RORA: variants seen among roughly 807,000 people sequenced by gnomAD.
RORA encodes RAR related orphan receptor A.
RORA carries 7 observed loss-of-function variants against 69.5 expected under a neutral mutation model. The ratio of observed to expected loss-of-function variants is 0.10; its 90% CI spans 0.06 to 0.19. The LOEUF (loss-of-function observed/expected upper bound fraction) is 0.19, where lower values mean the gene tolerates loss of function less well. Ranked by LOEUF, RORA falls within the 10% of genes least tolerant of loss-of-function variation. The pLI, the probability that RORA is intolerant of heterozygous loss-of-function variation, is 1.00. For missense variants in RORA, 457 were observed against 663.0 expected (o/e 0.69, Z 3.41); for synonymous variants, 261 against 240.8 (o/e 1.08, Z -0.78).
intron 1 of RORA, among the ~76,000 whole-genome samples, chr15:61,071,017 C>T (rs2078334817): frequency 6.6e-6 from 1 of 151,560 alleles, no homozygotes; most frequent in Non-Finnish European, 1.5e-5. Context: ...ATCTAACGGA[C>T]TCCTCTGCTG....
intron 1 of RORA, among the ~76,000 whole-genome samples, chr15:60,967,906 C>A (rs894492529): frequency 2.0e-5 from 3 of 152,192 alleles, no homozygotes; most frequent in African/African-American, 7.2e-5. Context: ...TGCTTGCCAT[C>A]TCCCCTGCCT....
intron 1 of RORA, among the ~76,000 whole-genome samples, chr15:61,081,359 C>T (rs975025136): frequency 1.3e-5 from 2 of 152,148 alleles, no homozygotes; most frequent in Non-Finnish European, 2.9e-5. Flanking sequence ...GAACTAGATA[C>T]AGCTTATAAA....
chr15:60,965,406 A>G (rs1893527476), intron 1 of RORA, among the ~76,000 whole-genome samples: 1 of 152,152 alleles, frequency 6.6e-6, no homozygotes, highest in Non-Finnish European at 1.5e-5. Context: ...CCCAGTAGTC[A>G]GGGCCCAAAT....
chr15:60,747,467 C>A (rs2071664916), intron 1 of RORA, among the ~76,000 whole-genome samples: 1 of 152,182 alleles, frequency 6.6e-6, no homozygotes, highest in African/African-American at 2.4e-5. Flanking sequence ...CATCTCTTTA[C>A]TTAGCCTCGA....
intron 1 of RORA, among the ~76,000 whole-genome samples, chr15:60,737,668 T>C (rs1025593082): frequency 6.6e-6 from 1 of 152,244 alleles, no homozygotes; most frequent in South Asian, 2.1e-4. Context: ...TAGAATTACC[T>C]GTTTGTTTGG....
chr15:60,819,129 C>T (rs7171681), intron 1 of RORA, among the ~76,000 whole-genome samples: 106,135 of 152,148 alleles, frequency 0.7, 37,177 homozygotes, highest in East Asian at 0.84. Flanking sequence ...ACAAAAATCT[C>T]GAGCAGAGCA....
At chr15:61,107,849 C>T (rs1292766819) in intron 1 of RORA, among the ~76,000 whole-genome samples, 3 of 152,026 alleles carry the variant, frequency 2.0e-5, no homozygotes, top group Non-Finnish European at 4.4e-5. Context: ...AGAGAGAATA[C>T]ACTATCCATT....
chr15:60,730,877 C>G (rs2071421474), intron 1 of RORA, among the ~76,000 whole-genome samples: 1 of 150,110 alleles, frequency 6.7e-6, no homozygotes, highest in Non-Finnish European at 1.5e-5. Context: ...TTTTGACAGA[C>G]AGGACAGTAT....
chr15:60,986,561 A>G (rs777808920), intron 1 of RORA, among the ~76,000 whole-genome samples: 1 of 152,220 alleles, frequency 6.6e-6, no homozygotes, highest in Non-Finnish European at 1.5e-5. Flanking sequence ...GTCTTTGGCC[A>G]TGGGAGCTTT....
chr15:60,871,015 T>G (rs2073549321), intron 1 of RORA, among the ~76,000 whole-genome samples: 1 of 152,182 alleles, frequency 6.6e-6, no homozygotes, highest in African/African-American at 2.4e-5. Flanking sequence ...GTTGGAGAGG[T>G]TTGATACTCA....
rs1476353296 is a variant in RORA, at chr15:60,738,957, C to T, written c.167-60271G>A. 2.6e-5 allele frequency among the ~76,000 whole-genome samples: 4 copies of T among 152,342 alleles called. No individual in the cohort carries two copies. In the East Asian group the frequency reaches 5.8e-4, roughly 22 times the overall value. On this transcript the variant is annotated intron_variant, in intron 1 of 10. Coordinates refer to ENST00000335670, the MANE Select transcript of RORA (RefSeq NM_134261.3). The stretch of plus-strand genomic sequence containing the variant: ...GTGTGCATCTGTCTTCAAATTTCCC[C>T]CTTTTATAAGGACACCAGTCATGTC...
chr15:60,639,405 C>T (rs1021972813), intron 2 of RORA, among the ~76,000 whole-genome samples: 1 of 152,056 alleles, frequency 6.6e-6, no homozygotes. Context: ...AGTGTCTCCC[C>T]GTTTCGTGGG....
intron 1 of RORA, among the ~76,000 whole-genome samples, chr15:60,911,003 A>C (rs1891694385): frequency 6.9e-6 from 1 of 145,050 alleles, no homozygotes; most frequent in Non-Finnish European, 1.5e-5. Flanking sequence ...TTCCAGGTTC[A>C]ATGATTCTCC....
intron 2 of RORA, among the ~76,000 whole-genome samples, chr15:60,584,670 TTTAC>T (rs1319144908): frequency 2.0e-5 from 3 of 152,248 alleles, no homozygotes; most frequent in Non-Finnish European, 4.4e-5. Flanking sequence ...AACAAATTTA[TTTAC>T]TTATTTTCAC....
At chr15:60,527,535 T>C (rs2066400342) in intron 3 of RORA, among the ~76,000 whole-genome samples, 1 of 152,156 alleles carries the variant, frequency 6.6e-6, no homozygotes, top group South Asian at 2.1e-4. Flanking sequence ...TGCCCCCTCA[T>C]CATGCTCACC....
intron 1 of RORA, among the ~76,000 whole-genome samples, chr15:60,961,839 T>C (rs1893423925): frequency 6.6e-6 from 1 of 152,158 alleles, no homozygotes; most frequent in Non-Finnish European, 1.5e-5. Flanking sequence ...CCTCATCAGG[T>C]TTATGGTTCC....
At chr15:60,985,823 G>A (rs949762325) in intron 1 of RORA, among the ~76,000 whole-genome samples, 3 of 152,000 alleles carry the variant, frequency 2.0e-5, no homozygotes, top group East Asian at 1.9e-4. Flanking sequence ...GACCTCATCC[G>A]CCCGCTTTGG....
At chr15:61,039,891 A>G (rs1226901002) in intron 1 of RORA, among the ~76,000 whole-genome samples, 1 of 151,526 alleles carries the variant, frequency 6.6e-6, no homozygotes, top group African/African-American at 2.4e-5. Context: ...GGGCCCAGGA[A>G]TCTGCCTTTT....
At chr15:60,751,264 T>C (rs2071719403) in intron 1 of RORA, among the ~76,000 whole-genome samples, 1 of 152,190 alleles carries the variant, frequency 6.6e-6, no homozygotes, top group Non-Finnish European at 1.5e-5. Flanking sequence ...CATGTATTGA[T>C]TACTTATGGC....
Sources: gnomAD v4.1 joint callset for allele counts (sites outside exome capture counted in the v4.1 genomes callset) on GRCh38, gnomAD v4.1.1 for gene constraint, MANE v1.5 for transcripts, NCBI Gene and HGNC (gene_info 2026-07-23, HGNC 2026-07-21) for gene names.